The following DCUN1D3 variants were observed in gnomAD, a reference collection of about 807,000 sequenced individuals.
The protein encoded by DCUN1D3 is DCN1-like protein 3.
A neutral mutation model predicts 24.8 loss-of-function variants in DCUN1D3; 6 were observed. That is an observed-to-expected ratio of 0.24 (90% CI 0.13 to 0.48). The LOEUF is 0.48. Ranked by LOEUF, DCUN1D3 falls within the 20% of genes least tolerant of loss-of-function variation. The probability of loss-of-function intolerance (pLI) is 0.99; values close to 1 mark genes in which losing one functional copy is unlikely to be tolerated. For synonymous variants in DCUN1D3, 120 were observed against 144.9 expected (o/e 0.83, Z 1.24); for missense variants, 258 against 379.4 (o/e 0.68, Z 2.66).
chr16:20,871,911 T>C (rs1296404849), intron 1 of DCUN1D3, among the ~76,000 whole-genome samples: 1 of 152,242 alleles, frequency 6.6e-6, no homozygotes, highest in Non-Finnish European at 1.5e-5. Flanking sequence ...TGACTTTCCC[T>C]GTTTAAAACC....
intron 1 of DCUN1D3, among the ~76,000 whole-genome samples, chr16:20,886,854 G>T (rs887779371): frequency 6.6e-6 from 1 of 152,210 alleles, no homozygotes; most frequent in Non-Finnish European, 1.5e-5. Context: ...ATTATGGAAT[G>T]AAACATTGCC....
chr16:20,875,763 C>G (rs776275361), intron 1 of DCUN1D3, among the ~76,000 whole-genome samples: 39 of 151,514 alleles, frequency 2.6e-4, no homozygotes, highest in Non-Finnish European at 3.4e-4. Context: ...GCAACCAAAG[C>G]AAAAAGAGAC....
At position 20,862,092 on chromosome 16, in the gene DCUN1D3, A is replaced by G. The variant is rs754358052; in HGVS notation, c.431+16T>C. 5 of 1,611,896 alleles carry G rather than the reference A, an allele frequency of 3.1e-6. No homozygotes were observed. The Admixed American group carries it at 5.0e-5, about 16-fold the overall frequency. Reference sequence around the variant, plus strand: ...CTCCACTGCTCACCTGGTGACATAAAGTGTTTGTGACTAACCTGGTGAATT... The same window carrying G: ...CTCCACTGCTCACCTGGTGACATAAGGTGTTTGTGACTAACCTGGTGAATT... On this transcript the variant is annotated intron_variant, in intron 2 of 2. Transcript: ENST00000324344.
intron 1 of DCUN1D3, among the ~76,000 whole-genome samples, chr16:20,897,063 C>G (rs1179045164): frequency 3.3e-5 from 5 of 152,220 alleles, no homozygotes; most frequent in African/African-American, 1.2e-4. Context: ...TCCCCAAACA[C>G]TAAAAGGTTT....
intron 1 of DCUN1D3, among the ~76,000 whole-genome samples, chr16:20,883,902 T>C (rs1488203786): frequency 2.0e-5 from 3 of 152,240 alleles, no homozygotes; most frequent in Non-Finnish European, 4.4e-5. Flanking sequence ...AGTTAAAGAT[T>C]AAGTCTTCAA....
At position 20,856,143 on chromosome 16, in the gene DCUN1D3, C is replaced by T. The variant is rs1319922713; in HGVS notation, c.*3743G>A. 6.6e-6 allele frequency: 1 copy of T among 152,196 alleles called. No homozygotes were observed. Among genetic ancestry groups the T allele is most frequent in the Non-Finnish European group, 1.5e-5 (1 of 68,048 alleles). 9.4% of individuals were successfully genotyped at this position (152,196 alleles called of 1,614,324 possible). ...AAGACCTCATTTGGAATCTGGCAAA[C>T]CAAACATTCTTAAATACATAGGTTG... On this transcript the variant is annotated 3_prime_UTR_variant, in exon 3 of 3. Transcript: ENST00000324344.
At chr16:20,884,469 T>C (rs1471728503) in intron 1 of DCUN1D3, among the ~76,000 whole-genome samples, 2 of 152,172 alleles carry the variant, frequency 1.3e-5, no homozygotes, top group African/African-American at 4.8e-5. Context: ...CTAACTTCCA[T>C]ACCACAGGAA....
intron 1 of DCUN1D3, among the ~76,000 whole-genome samples, chr16:20,878,003 T>C (rs923681801): frequency 2.0e-5 from 3 of 152,184 alleles, no homozygotes; most frequent in Non-Finnish European, 4.4e-5. Flanking sequence ...GGTCTTGCTA[T>C]GTTGCCCAGG....
Position 20,859,865 on chromosome 16 carries a change from G to A in DCUN1D3, c.*21C>T. 1 of 1,568,468 alleles carries A rather than the reference G, an allele frequency of 6.4e-7. No individual in the cohort carries two copies. The highest frequency in any genetic ancestry group is 8.7e-7 in the Non-Finnish European group (1 of 1,154,696). On this transcript the variant is annotated 3_prime_UTR_variant, in exon 3 of 3. Transcript: ENST00000324344. ...GCAGGGCAGCTGGCAGATCCTTGCTGCTGCTCCTGGGACAGAGCCACTAAG... is the reference window on the plus strand; with the variant it reads ...GCAGGGCAGCTGGCAGATCCTTGCTACTGCTCCTGGGACAGAGCCACTAAG...
At chr16:20,865,344 G>C (rs2081756413) in intron 1 of DCUN1D3, among the ~76,000 whole-genome samples, 1 of 152,100 alleles carries the variant, frequency 6.6e-6, no homozygotes, top group Non-Finnish European at 1.5e-5. Context: ...AACTCGTCAT[G>C]GTGGTTTATT....
chr16:20,866,819 A>C (rs2081764354), intron 1 of DCUN1D3, among the ~76,000 whole-genome samples: 1 of 152,142 alleles, frequency 6.6e-6, no homozygotes, highest in African/African-American at 2.4e-5. Context: ...AGATCTGGTA[A>C]GTATGGTCCC....
chr16:20,872,069 A>G (rs940782255), intron 1 of DCUN1D3, among the ~76,000 whole-genome samples: 1 of 152,236 alleles, frequency 6.6e-6, no homozygotes, highest in African/African-American at 2.4e-5. Context: ...ACCACTGATT[A>G]GCACTAATAC....
intron 1 of DCUN1D3, among the ~76,000 whole-genome samples, chr16:20,881,586 T>C (rs934130204): frequency 5.3e-5 from 8 of 152,148 alleles, no homozygotes; most frequent in Non-Finnish European, 1.2e-4. Context: ...ACCTTTATTG[T>C]GCCTGAAACA....
At chr16:20,880,925 A>C (rs1158175673) in intron 1 of DCUN1D3, among the ~76,000 whole-genome samples, 1 of 152,206 alleles carries the variant, frequency 6.6e-6, no homozygotes, top group East Asian at 1.9e-4. Flanking sequence ...CAGACTCTTA[A>C]ATTAAGGATG....
intron 1 of DCUN1D3, among the ~76,000 whole-genome samples, chr16:20,867,683 G>C (rs1817469958): frequency 6.6e-6 from 1 of 152,210 alleles, no homozygotes. Flanking sequence ...AGCTGTTACT[G>C]TATCAGTAGT....
chr16:20,891,578 G>A (rs1567430826), intron 1 of DCUN1D3, among the ~76,000 whole-genome samples: 1 of 152,208 alleles, frequency 6.6e-6, no homozygotes, highest in Non-Finnish European at 1.5e-5. Context: ...TTGTCAGAGA[G>A]GAGGACATGT....
At chr16:20,888,518 A>T (rs1255963526) in intron 1 of DCUN1D3, among the ~76,000 whole-genome samples, 1 of 152,182 alleles carries the variant, frequency 6.6e-6, no homozygotes, top group Non-Finnish European at 1.5e-5. Flanking sequence ...GAGTGCAGTG[A>T]CACGATCACA....
chr16:20,876,488 T>C (rs2081816304), intron 1 of DCUN1D3, among the ~76,000 whole-genome samples: 1 of 148,412 alleles, frequency 6.7e-6, no homozygotes, highest in Non-Finnish European at 1.5e-5. Flanking sequence ...ATGGGAACCC[T>C]CGTATACTGT....
At chr16:20,889,177 A>G (rs896322551) in intron 1 of DCUN1D3, among the ~76,000 whole-genome samples, 4 of 149,934 alleles carry the variant, frequency 2.7e-5, no homozygotes, top group African/African-American at 4.9e-5. Context: ...GTGAGCTGAG[A>G]TCGCACCACT....
Sources: gnomAD v4.1 joint callset for allele counts (sites outside exome capture counted in the v4.1 genomes callset) on GRCh38, gnomAD v4.1.1 for gene constraint, MANE v1.5 for transcripts, NCBI Gene and HGNC (gene_info 2026-07-23, HGNC 2026-07-21) for gene names.